Variants in CDKN2B-AS1 observed in about 807,000 individuals in gnomAD.
CDKN2B-AS1 encodes the protein CDKN2B antisense RNA 1 (non-protein coding).
At chr9:22,101,730 G>A (rs1031960364) in intron 4 of CDKN2B-AS1, among the ~76,000 whole-genome samples, 7 of 149,916 alleles carry the variant, frequency 4.7e-5, no homozygotes, top group African/African-American at 1.7e-4. Flanking sequence ...ATGTACAAGA[G>A]TGCAAATCAA....
chr9:22,052,514 G>C (rs1405852066), intron 3 of CDKN2B-AS1, among the ~76,000 whole-genome samples: 2 of 152,146 alleles, frequency 1.3e-5, no homozygotes, highest in African/African-American at 4.8e-5. Flanking sequence ...ATTTCCTGTG[G>C]CTGGATAAGG....
rs548343419 is a variant in CDKN2B-AS1 at position 21,996,234 on chromosome 9, C to T, written n.29+1073C>T. On this transcript the variant is annotated intron_variant and non_coding_transcript_variant, in intron 1 of 4. Coordinates refer to ENST00000650946, the Ensembl canonical transcript of CDKN2B-AS1. This position sits in a 1 kb window ranked among gnomAD's most constrained non-coding sequence, Gnocchi z 5.4. ...GTTGCTGCCGGACCTCGGTACAAAC[C>T]CAAGACAAAACGGGGCCCTTTGGAA... Among the ~76,000 whole-genome samples, 80 of 152,250 alleles carry T rather than the reference C, an allele frequency of 5.3e-4. No individual in the cohort carries two copies. The highest frequency in any genetic ancestry group is 1.2e-3 in the Admixed American group (18 of 15,296).
intron 4 of CDKN2B-AS1, among the ~76,000 whole-genome samples, chr9:22,114,396 T>C (rs944366099): frequency 6.6e-6 from 1 of 152,158 alleles, no homozygotes; most frequent in Non-Finnish European, 1.5e-5. Flanking sequence ...TGAAATTAGA[T>C]GTGCAAGAGA....
At chr9:22,085,150 G>T (rs934040939) in intron 4 of CDKN2B-AS1, among the ~76,000 whole-genome samples, 1 of 152,116 alleles carries the variant, frequency 6.6e-6, no homozygotes, top group Non-Finnish European at 1.5e-5. Context: ...TATCTATAAA[G>T]AACTTCTTTA....
intron 3 of CDKN2B-AS1, among the ~76,000 whole-genome samples, chr9:22,054,838 G>A (rs1407013441): frequency 6.6e-6 from 1 of 150,572 alleles, no homozygotes; most frequent in Non-Finnish European, 1.5e-5. Flanking sequence ...TGTAACTTCT[G>A]CCTCCCGGGT....
At chr9:22,048,902 CTCT>C (rs1823219978) in intron 2 of CDKN2B-AS1, among the ~76,000 whole-genome samples, 1 of 152,134 alleles carries the variant, frequency 6.6e-6, no homozygotes, top group South Asian at 2.1e-4. Flanking sequence ...CAGTTCTTGC[CTCT>C]TAGGGATAGT....
At chr9:22,055,987 A>G (rs1289579903) in intron 3 of CDKN2B-AS1, among the ~76,000 whole-genome samples, 1 of 151,984 alleles carries the variant, frequency 6.6e-6, no homozygotes, top group African/African-American at 2.4e-5. Context: ...TGGAGCTAGG[A>G]AATACGTTAC....
At chr9:22,066,023 A>G (rs145895567) in intron 4 of CDKN2B-AS1, among the ~76,000 whole-genome samples, 28 of 152,226 alleles carry the variant, frequency 1.8e-4, no homozygotes, top group African/African-American at 6.7e-4. Flanking sequence ...TTAAGCCTTC[A>G]TGTTCCCCTG....
intron 4 of CDKN2B-AS1, among the ~76,000 whole-genome samples, chr9:22,104,270 G>T (rs1394512559): frequency 1.3e-5 from 2 of 152,178 alleles, no homozygotes; most frequent in Non-Finnish European, 2.9e-5. Context: ...GGCAAGGTCA[G>T]GCACCTAGAT....
intron 1 of CDKN2B-AS1, chr9:22,008,975 G>C (rs1422627398): frequency 8.1e-6 from 13 of 1,613,212 alleles, no homozygotes; most frequent in African/African-American, 1.3e-5. Context: ...CAGACGCGCA[G>C]CGGCCCGGAT....
rs1452397516 is a variant in CDKN2B-AS1 at position 21,995,844 on chromosome 9, C to G, written n.29+683C>G. 1.3e-5 allele frequency: 2 copies of G among 152,284 alleles called. No homozygotes were observed. Among genetic ancestry groups the G allele is most frequent in the Non-Finnish European group, 2.9e-5 (2 of 68,086 alleles). The allele number at this position is 152,284 out of a possible 1,614,324, so 9.4% of individuals were successfully genotyped here. On this transcript the variant is annotated intron_variant and non_coding_transcript_variant, in intron 1 of 4. Coordinates refer to ENST00000650946, the Ensembl canonical transcript of CDKN2B-AS1. This position sits in a 1 kb window ranked among gnomAD's most constrained non-coding sequence, Gnocchi z 5.7. ...CGCCGCCTTCAGGCCGGCGCGCTGA[C>G]CCGGTGCCCCGACCCGGAGCCTGCG... is the stretch of plus-strand genomic sequence containing the variant.
intron 4 of CDKN2B-AS1, among the ~76,000 whole-genome samples, chr9:22,082,576 G>C (rs1045052671): frequency 1.3e-5 from 2 of 152,158 alleles, no homozygotes; most frequent in African/African-American, 4.8e-5. Flanking sequence ...TTGATGTTCT[G>C]ACTAATTCGT....
At chr9:22,082,413 C>G (rs1824730378) in intron 4 of CDKN2B-AS1, among the ~76,000 whole-genome samples, 1 of 152,190 alleles carries the variant, frequency 6.6e-6, no homozygotes, top group African/African-American at 2.4e-5. Context: ...TTTTGTTGAT[C>G]ATGATATAGA....
chr9:22,067,099 G>C (rs769192259), intron 4 of CDKN2B-AS1, among the ~76,000 whole-genome samples: 1 of 152,072 alleles, frequency 6.6e-6, no homozygotes, highest in African/African-American at 2.4e-5. Context: ...AGCATTAGGA[G>C]AAATACCTAA....
intron 4 of CDKN2B-AS1, among the ~76,000 whole-genome samples, chr9:22,103,719 A>C (rs542798155): frequency 2.1e-3 from 316 of 152,362 alleles, no homozygotes; most frequent in Middle Eastern, 3.4e-3. Flanking sequence ...AAAACAATTT[A>C]TTTGAGTAGA....
At chr9:22,122,112 A>C (rs1167773595) in intron 4 of CDKN2B-AS1, among the ~76,000 whole-genome samples, 1 of 150,736 alleles carries the variant, frequency 6.6e-6, no homozygotes, top group Admixed American at 6.6e-5. Context: ...GGGTGAGATG[A>C]TACCTCATTG....
At chr9:22,072,801 G>A (rs895658696) in intron 4 of CDKN2B-AS1, among the ~76,000 whole-genome samples, 1 of 152,190 alleles carries the variant, frequency 6.6e-6, no homozygotes, top group African/African-American at 2.4e-5. Context: ...AGAATAAGTG[G>A]TAGAATTTGT....
intron 1 of CDKN2B-AS1, among the ~76,000 whole-genome samples, chr9:22,026,902 T>G (rs1313446151): frequency 6.6e-6 from 1 of 152,146 alleles, no homozygotes; most frequent in Non-Finnish European, 1.5e-5. Context: ...GAGAGCAGTG[T>G]GGATTCCCAG....
intron 1 of CDKN2B-AS1, among the ~76,000 whole-genome samples, chr9:22,045,037 T>TG (rs61184028): frequency 0.071 from 8,835 of 123,700 alleles, 874 homozygotes; most frequent in African/African-American, 0.25. Context: ...ATATTATTTA[T>TG]TTGTGTGTGT....
Sources: allele counts gnomAD v4.1 joint callset (sites outside exome capture counted in the v4.1 genomes callset), GRCh38; gene constraint gnomAD v4.1.1; non-coding constraint Gnocchi (gnomAD v3.1); transcripts MANE v1.5; gene names NCBI Gene and HGNC (gene_info 2026-07-23, HGNC 2026-07-21).